The following LRBA variants were observed in gnomAD, a reference collection of about 807,000 sequenced individuals.
LRBA encodes lipopolysaccharide-responsive and beige-like anchor protein.
In LRBA, 176 loss-of-function variants were observed where a neutral mutation model predicts 330.0. The ratio of observed to expected loss-of-function variants is 0.53; its 90% CI spans 0.47 to 0.60. LRBA has a LOEUF of 0.60. Ranked by LOEUF, LRBA falls within the 20% of genes least tolerant of loss-of-function variation. LRBA has a pLI of 0.00. For missense variants in LRBA, 3,259 were observed against 3,444.8 expected, an observed-to-expected ratio of 0.95 and a Z score of 1.35; for synonymous variants, 1,230 against 1,193.0, an observed-to-expected ratio of 1.03 and a Z score of -0.64.
chr4:150,426,845 G>T (rs1328762740), intron 46 of LRBA, among the ~76,000 whole-genome samples: 1 of 151,808 alleles, frequency 6.6e-6, no homozygotes, highest in Non-Finnish European at 1.5e-5. Flanking sequence ...TGACAGTAGG[G>T]TTTAACATGC....
rs370982009 is a variant in LRBA at position 150,551,087 on chromosome 4, C to A, written c.6330+36961G>T. 5.9e-5 allele frequency among the ~76,000 whole-genome samples: 9 copies of A among 152,032 alleles called. 1 individual carries two copies. The highest frequency in any genetic ancestry group is 1.2e-4 in the African/African-American group (5 of 41,392). On this transcript the variant is annotated intron_variant, in intron 40 of 56. Transcript: ENST00000651943. ...TATTGCTAGGGAGTGTTAATTATCA[C>A]AAGAGTGAGTTCCTCATAAAAGAAT...
At chr4:150,883,183 G>A (rs757868512) in intron 17 of LRBA, among the ~76,000 whole-genome samples, 4 of 151,944 alleles carry the variant, frequency 2.6e-5, no homozygotes, top group African/African-American at 4.8e-5. Context: ...GTTCTAGGCC[G>A]GGAGTGGTGG....
intron 36 of LRBA, among the ~76,000 whole-genome samples, chr4:150,694,804 G>A (rs114808365): frequency 2.0e-5 from 3 of 151,688 alleles, no homozygotes; most frequent in African/African-American, 7.3e-5. Flanking sequence ...GGTTCTTATC[G>A]TTACAAACTA....
At chr4:150,470,840 TACACACACACACACACAC>T (rs146604033) in intron 43 of LRBA, among the ~76,000 whole-genome samples, 1 of 140,554 alleles carries the variant, frequency 7.1e-6, no homozygotes, top group African/African-American at 2.6e-5. Context: ...CCCTCATTAC[TACACACACACACACACAC>T]ACACACACAC....
At chr4:150,551,495 A>T (rs139840146) in intron 40 of LRBA, among the ~76,000 whole-genome samples, 144 of 152,158 alleles carry the variant, frequency 9.5e-4, no homozygotes, top group Middle Eastern at 3.4e-3. Flanking sequence ...CCTGGGCAAC[A>T]TAGTGAAATC....
intron 2 of LRBA, among the ~76,000 whole-genome samples, chr4:150,952,283 T>C (rs370358729): frequency 6.6e-6 from 1 of 151,964 alleles, no homozygotes; most frequent in Admixed American, 6.6e-5. Context: ...TGTATGTCTA[T>C]AGAGAGAGAG....
chr4:150,534,969 T>C (rs1267551323), intron 40 of LRBA, among the ~76,000 whole-genome samples: 2 of 152,236 alleles, frequency 1.3e-5, no homozygotes, highest in Admixed American at 1.3e-4. Context: ...AGTACATTTC[T>C]TTTTAAAATC....
At chr4:150,451,463 T>C (rs564198020) in intron 44 of LRBA, among the ~76,000 whole-genome samples, 90 of 152,170 alleles carry the variant, frequency 5.9e-4, no homozygotes, top group Non-Finnish European at 1.1e-3. Flanking sequence ...AATCCATGGG[T>C]CAAAAAGCAA....
intron 2 of LRBA, among the ~76,000 whole-genome samples, chr4:151,007,207 C>CAAATG (rs1186794211): frequency 6.6e-6 from 1 of 152,224 alleles, no homozygotes. Flanking sequence ...AGCCTTTCAA[C>CAAATG]AAATGGCACT....
At chr4:150,278,196 A>C (rs1484536671) in intron 55 of LRBA, among the ~76,000 whole-genome samples, 192 bp from the exon 56 acceptor site, 2 of 152,208 alleles carry the variant, frequency 1.3e-5, no homozygotes, top group Admixed American at 1.3e-4. Context: ...AAAGTTCATC[A>C]ATGCTTGAGA....
chr4:150,710,922 A>C (rs1786127441), intron 36 of LRBA, among the ~76,000 whole-genome samples: 1 of 152,034 alleles, frequency 6.6e-6, no homozygotes, highest in South Asian at 2.1e-4. Context: ...ATTCAGGCTA[A>C]GTTTACAGTT....
At chr4:150,625,871 G>A (rs1010853023) in intron 37 of LRBA, among the ~76,000 whole-genome samples, 9 of 151,102 alleles carry the variant, frequency 6.0e-5, no homozygotes, top group Non-Finnish European at 1.3e-4. Flanking sequence ...CACCACACCC[G>A]GCTAATTTTT....
intron 36 of LRBA, among the ~76,000 whole-genome samples, chr4:150,725,395 T>G (rs1187698706): frequency 6.6e-6 from 1 of 152,186 alleles, no homozygotes. Context: ...AGCAGACTTT[T>G]CAGCGGAAAC....
intron 20 of LRBA, 103 bp from the exon 21 acceptor site, chr4:150,868,408 G>T: frequency 4.3e-6 from 3 of 691,596 alleles, no homozygotes; most frequent in East Asian, 2.9e-5. Flanking sequence ...TAACACAAAT[G>T]TCTACCAAAA....
At chr4:150,928,804 G>T in intron 3 of LRBA, 30 bp downstream of exon 3, 1 of 1,504,484 alleles carries the variant, frequency 6.6e-7, no homozygotes, top group Non-Finnish European at 9.2e-7. Context: ...TTATTTCTTT[G>T]CATATATTGT....
In LRBA at chr4:150,665,958, G is replaced by A. The variant is rs537584932; in HGVS notation, c.5921+17593C>T. Among the ~76,000 whole-genome samples, 89 of 152,020 alleles carry A rather than the reference G, an allele frequency of 5.9e-4. 1 individual carries two copies. The highest frequency in any genetic ancestry group is 1.2e-3 in the Non-Finnish European group (83 of 68,010). Reference sequence around the variant, plus strand: ...CCTCAAATTACTATGCTGAGTGAAAGAAGACAAAAAAGAAGTACAAATTGC... The same window carrying A: ...CCTCAAATTACTATGCTGAGTGAAAAAAGACAAAAAAGAAGTACAAATTGC... On this transcript the variant is annotated intron_variant, in intron 37 of 56. Transcript: ENST00000651943.
intron 2 of LRBA, among the ~76,000 whole-genome samples, chr4:150,941,430 CG>C (rs1735669330): frequency 6.6e-6 from 1 of 152,082 alleles, no homozygotes; most frequent in Non-Finnish European, 1.5e-5. Context: ...GGATTACAGG[CG>C]TGAGCCACCG....
intron 40 of LRBA, among the ~76,000 whole-genome samples, chr4:150,501,204 C>A (rs1291479573): frequency 1.3e-5 from 2 of 152,154 alleles, no homozygotes; most frequent in Non-Finnish European, 2.9e-5. Flanking sequence ...CATACTTTAA[C>A]TGGAGTTCTT....
intron 37 of LRBA, among the ~76,000 whole-genome samples, chr4:150,642,136 T>C (rs116840329): frequency 0.017 from 2,626 of 152,130 alleles, 83 homozygotes; most frequent in African/African-American, 0.058. Flanking sequence ...CTGTAAAATA[T>C]GAAATCTCAC....
Sources: allele counts gnomAD v4.1 joint callset (sites outside exome capture counted in the v4.1 genomes callset), GRCh38; gene constraint gnomAD v4.1.1; transcripts MANE v1.5; gene names NCBI Gene and HGNC (gene_info 2026-07-23, HGNC 2026-07-21).